The following GTF2IRD1 variants were observed in gnomAD, a reference collection of about 807,000 sequenced individuals.
The protein encoded by GTF2IRD1 is general transcription factor II-I repeat domain-containing protein 1.
In GTF2IRD1, 26 loss-of-function variants were observed where a neutral mutation model predicts 113.2. The observed-to-expected ratio is 0.23, with a 90% CI of 0.17 to 0.32. The LOEUF is 0.32. Ranked by LOEUF, GTF2IRD1 falls within the 10% of genes least tolerant of loss-of-function variation. The probability of loss-of-function intolerance (pLI) is 1.00; values close to 1 mark genes in which losing one functional copy is unlikely to be tolerated. For synonymous variants in GTF2IRD1, 484 were observed against 529.1 expected (o/e 0.91, Z 1.17); for missense variants, 864 against 1,280.8 (o/e 0.67, Z 4.97).
chr7:74,565,482 G>A (rs1583902343), intron 22 of GTF2IRD1, among the ~76,000 whole-genome samples: 2 of 152,098 alleles, frequency 1.3e-5, no homozygotes, highest in East Asian at 1.9e-4. Context: ...CCAAGATCGC[G>A]CCATTGCACT....
intron 22 of GTF2IRD1, 128 bp downstream of exon 22, chr7:74,559,783 C>CTTT: frequency 1.1e-5 from 6 of 532,326 alleles, no homozygotes; most frequent in South Asian, 3.4e-5. Context: ...CCCTGCCTTT[C>CTTT]TTTTTTTTTT....
In GTF2IRD1 at chr7:74,594,236, C is replaced by T. The variant is rs118167655; in HGVS notation, c.2592-778C>T. 1.3e-3 allele frequency among the ~76,000 whole-genome samples: 196 copies of T among 151,434 alleles called. 4 individuals carry two copies. In the East Asian group the frequency reaches 0.028, roughly 21 times the overall value. On this transcript the variant is annotated intron_variant, in intron 24 of 26. Coordinates refer to ENST00000424337, the MANE Select transcript of GTF2IRD1 (RefSeq NM_005685.4). ...TTAATTAATAAAAATAAAAATTAGC[C>T]GGGCATGGTGGTGTGCACCTGCCTT...
chr7:74,549,087 C>G (rs184774644), intron 17 of GTF2IRD1, among the ~76,000 whole-genome samples: 2 of 151,858 alleles, frequency 1.3e-5, no homozygotes, highest in African/African-American at 2.4e-5. Flanking sequence ...GTCAGGAGTT[C>G]GAGACCAGCC....
intron 10 of GTF2IRD1, among the ~76,000 whole-genome samples, chr7:74,535,670 C>A (rs753924931): frequency 6.6e-5 from 10 of 152,118 alleles, no homozygotes; most frequent in Non-Finnish European, 1.2e-4. Flanking sequence ...TTGGGGTGAT[C>A]CTGGCACCCC....
In GTF2IRD1 at chr7:74,590,768, G is replaced by C. The variant is rs1802009990; in HGVS notation, c.2399-57G>C. On this transcript the variant is annotated intron_variant, in intron 23 of 26. Coordinates refer to ENST00000424337, the MANE Select transcript of GTF2IRD1 (RefSeq NM_005685.4). ...CCCAGACTCCAGCCCTTTCCCTAGA[G>C]GGCTTTGCCATTGACAGGAGACATC... is the stretch of plus-strand genomic sequence containing the variant. 5 of 1,225,954 alleles carry C rather than the reference G, an allele frequency of 4.1e-6. No individual in the cohort carries two copies. In the Admixed American group the frequency reaches 1.0e-4, roughly 25 times the overall value. 75.9% of individuals were successfully genotyped at this position (1,225,954 alleles called of 1,614,324 possible). A position where few individuals can be genotyped will look rare whatever the true frequency, so the allele number is the denominator to read the frequency against.
intron 2 of GTF2IRD1, among the ~76,000 whole-genome samples, chr7:74,511,656 C>A (rs1796635345): frequency 6.6e-6 from 1 of 152,208 alleles, no homozygotes; most frequent in Non-Finnish European, 1.5e-5. Flanking sequence ...GGGGCTGGCA[C>A]AATAGGCAAG....
intron 22 of GTF2IRD1, among the ~76,000 whole-genome samples, chr7:74,587,164 G>T (rs1159823477): frequency 6.6e-6 from 1 of 151,978 alleles, no homozygotes; most frequent in South Asian, 2.1e-4. Context: ...CAGGAGTCAG[G>T]CTGGGCACAG....
intron 24 of GTF2IRD1, among the ~76,000 whole-genome samples, chr7:74,592,771 G>A (rs1554370229): frequency 6.6e-6 from 1 of 152,004 alleles, no homozygotes; most frequent in Non-Finnish European, 1.5e-5. Flanking sequence ...GACCTCAGGT[G>A]ATCTGCCCAC....
intron 15 of GTF2IRD1, among the ~76,000 whole-genome samples, chr7:74,545,084 C>T (rs1369948372): frequency 2.0e-5 from 3 of 152,118 alleles, no homozygotes; most frequent in Non-Finnish European, 4.4e-5. Context: ...TGCTGCTTTG[C>T]GCAAAGGTTT....
chr7:74,583,811 C>T (rs776977366), intron 22 of GTF2IRD1, among the ~76,000 whole-genome samples: 3 of 152,118 alleles, frequency 2.0e-5, no homozygotes, highest in Non-Finnish European at 4.4e-5. Context: ...TGTTGAGCAC[C>T]TGAAATCACA....
In GTF2IRD1 at chr7:74,601,067, C is replaced by A. The variant is rs201071085; in HGVS notation, c.2653C>A (p.Arg885Ser). The A allele has an allele frequency of 8.7e-6, 14 of 1,614,164 alleles. No individual in the cohort carries two copies. The East Asian group carries it at 3.1e-4, about 36-fold the overall frequency. ...VPAKDSSIPK[R>S]KRKRVSEGNS... Reference sequence around the variant, plus strand: ...AGCCAAAGACAGCAGCATTCCCAAGCGCAAGAGAAAGCGGGTCTCGGAAGG... The same window carrying A: ...AGCCAAAGACAGCAGCATTCCCAAGAGCAAGAGAAAGCGGGTCTCGGAAGG... Residue 885 changes from arginine to serine, a missense_variant, in exon 26 of 27, where the codon CGC becomes AGC. Coordinates refer to ENST00000424337, the MANE Select transcript of GTF2IRD1 (RefSeq NM_005685.4).
chr7:74,463,046 T>C (rs979892466), intron 1 of GTF2IRD1, among the ~76,000 whole-genome samples: 1 of 152,172 alleles, frequency 6.6e-6, no homozygotes, highest in Non-Finnish European at 1.5e-5. Context: ...GTGGTGCGTC[T>C]CTGGTCTTCA....
At chr7:74,549,397 C>T (rs1305150559) in intron 17 of GTF2IRD1, among the ~76,000 whole-genome samples, 1 of 151,944 alleles carries the variant, frequency 6.6e-6, no homozygotes, top group Non-Finnish European at 1.5e-5. Context: ...AGATAGTTCT[C>T]AAACTGGGAG....
intron 17 of GTF2IRD1, among the ~76,000 whole-genome samples, chr7:74,547,936 G>A (rs587608042): frequency 7.2e-5 from 11 of 152,164 alleles, no homozygotes; most frequent in African/African-American, 2.6e-4. Context: ...TCAGCTCACG[G>A]GTTCTCCAGG....
At chr7:74,513,750 G>A (rs545347430) in intron 3 of GTF2IRD1, among the ~76,000 whole-genome samples, 1 of 152,328 alleles carries the variant, frequency 6.6e-6, no homozygotes, top group Non-Finnish European at 1.5e-5. Flanking sequence ...AGTGGCTCAT[G>A]TCTGTAGTCC....
rs1468956312 is a variant in GTF2IRD1, at chr7:74,496,361, C to CAT, written c.-6-11713_-6-11712dup. On this transcript the variant is annotated intron_variant, in intron 1 of 26. Transcript: ENST00000424337. ...ATGTATGTGCATGTGTGTGTGGGTG[C>CAT]ATGTGTGTGTGCATATATGTGTGTG... Among the ~76,000 whole-genome samples, 6 of 121,320 alleles carry CAT rather than the reference C, an allele frequency of 4.9e-5. No individual in the cohort carries two copies. The East Asian group carries it at 1.1e-3, about 21-fold the overall frequency. 79.6% of individuals were successfully genotyped at this position (121,320 alleles called of 152,430 possible).
chr7:74,592,578 A>G (rs1390116663), intron 24 of GTF2IRD1, among the ~76,000 whole-genome samples: 1 of 150,148 alleles, frequency 6.7e-6, no homozygotes, highest in Admixed American at 6.7e-5. Context: ...CTTGTTACTC[A>G]GGCTAGAGTG....
chr7:74,570,432 G>A (rs1800632234), intron 22 of GTF2IRD1, among the ~76,000 whole-genome samples: 1 of 151,522 alleles, frequency 6.6e-6, no homozygotes, highest in Non-Finnish European at 1.5e-5. Context: ...GGCCAAGGCA[G>A]GAGGATTGCT....
intron 1 of GTF2IRD1, among the ~76,000 whole-genome samples, chr7:74,468,866 T>C (rs1280131663): frequency 6.6e-6 from 1 of 151,578 alleles, no homozygotes; most frequent in Non-Finnish European, 1.5e-5. Context: ...AGGCAGATCA[T>C]GAGGTCAGGA....
Sources: allele counts gnomAD v4.1 joint callset (sites outside exome capture counted in the v4.1 genomes callset), GRCh38; gene constraint gnomAD v4.1.1; transcripts MANE v1.5; gene names NCBI Gene and HGNC (gene_info 2026-07-23, HGNC 2026-07-21).